Variants in NREP observed in about 807,000 individuals in gnomAD.
NREP encodes the protein neuronal regeneration related protein, also known as neuronal regeneration-related protein.
Under a neutral mutation model 8.6 loss-of-function variants are expected in NREP, and 5 were observed. That is an observed-to-expected ratio of 0.58 (90% CI 0.30 to 1.22). NREP has a LOEUF of 1.22. Among genes scored for constraint, NREP ranks in the 50% most tolerant of loss-of-function variants. NREP has a pLI of 0.07. For synonymous variants in NREP, 27 were observed against 28.0 expected, an observed-to-expected ratio of 0.96 and a Z score of 0.11; for missense variants, 86 against 82.5, an observed-to-expected ratio of 1.04 and a Z score of -0.17.
chr5:111,760,486 A>G (rs932094026), upstream of NREP, among the ~76,000 whole-genome samples: 13 of 152,216 alleles, frequency 8.5e-5, no homozygotes, highest in African/African-American at 3.1e-4. Context: ...GTGAAGGGGT[A>G]AAGAGACAGC....
At chr5:111,831,599 G>A (rs188874316) in intron 2 of NREP, among the ~76,000 whole-genome samples, 5 of 152,200 alleles carry the variant, frequency 3.3e-5, no homozygotes, top group South Asian at 2.1e-4. Flanking sequence ...TCCTCCCACC[G>A]GTTCACCCAC....
intron 2 of NREP, among the ~76,000 whole-genome samples, chr5:111,943,684 G>T (rs1581238982): frequency 6.6e-6 from 1 of 152,076 alleles, no homozygotes; most frequent in South Asian, 2.1e-4. Context: ...GTGGTAAACA[G>T]CAAAAGCATA....
At chr5:111,812,643 C>A (rs1752296488) in intron 2 of NREP, among the ~76,000 whole-genome samples, 1 of 152,130 alleles carries the variant, frequency 6.6e-6, no homozygotes, top group Non-Finnish European at 1.5e-5. Flanking sequence ...TAAAAAGTCA[C>A]ACCAATATTA....
chr5:111,907,424 AT>A (rs1754805641), intron 2 of NREP, among the ~76,000 whole-genome samples: 1 of 152,042 alleles, frequency 6.6e-6, no homozygotes, highest in Admixed American at 6.6e-5. Context: ...TTCCAGCAAC[AT>A]TTTTTGAAAA....
rs79394917 is a variant in NREP at position 111,963,286 on chromosome 5, C to T, written c.135+11988G>A. On this transcript the variant is annotated intron_variant, in intron 2 of 3. Coordinates refer to the NREP transcript ENST00000395634. Reference sequence around the variant, plus strand: ...GTACTCCCTCACACAAGAGGTTGAGCGTGGTGGGCCAAGTAAATGGGGCAC... The same window carrying T: ...GTACTCCCTCACACAAGAGGTTGAGTGTGGTGGGCCAAGTAAATGGGGCAC... 8.5e-3 allele frequency among the ~76,000 whole-genome samples: 1,291 copies of T among 152,302 alleles called. 21 individuals are homozygous for T. The highest frequency in any genetic ancestry group is 0.03 in the African/African-American group (1,231 of 41,572).
chr5:111,876,234 T>C (rs1341869236), intron 2 of NREP, among the ~76,000 whole-genome samples: 1 of 152,182 alleles, frequency 6.6e-6, no homozygotes, highest in Admixed American at 6.5e-5. Context: ...TCCAGCTCAA[T>C]TTTTCAGGCT....
At chr5:111,854,809 A>G (rs1753390053) in intron 2 of NREP, among the ~76,000 whole-genome samples, 1 of 152,196 alleles carries the variant, frequency 6.6e-6, no homozygotes, top group Non-Finnish European at 1.5e-5. Context: ...TTTCCCAGAA[A>G]TAACCACTGC....
chr5:111,801,892 C>T (rs891283576), intron 2 of NREP, among the ~76,000 whole-genome samples: 10 of 152,092 alleles, frequency 6.6e-5, no homozygotes, highest in Non-Finnish European at 1.2e-4. Context: ...GTATTTTTAT[C>T]GGCACATTTT....
chr5:111,801,850 T>G (rs1752016046), intron 2 of NREP, among the ~76,000 whole-genome samples: 2 of 152,126 alleles, frequency 1.3e-5, no homozygotes, highest in Admixed American at 6.5e-5. Flanking sequence ...GAAAGACAGA[T>G]CATGGGAAAG....
intron 2 of NREP, among the ~76,000 whole-genome samples, chr5:111,850,009 A>G (rs954665017): frequency 6.6e-6 from 1 of 152,166 alleles, no homozygotes; most frequent in Admixed American, 6.6e-5. Context: ...TGAACCATCT[A>G]ACACTGTCAT....
chr5:111,857,640 C>T (rs974615844), intron 2 of NREP, among the ~76,000 whole-genome samples: 5 of 152,062 alleles, frequency 3.3e-5, no homozygotes, highest in African/African-American at 4.8e-5. Context: ...CTTTGGGACA[C>T]AGAAATTCCT....
intron 2 of NREP, among the ~76,000 whole-genome samples, chr5:111,778,026 C>T (rs538533321): frequency 9.2e-5 from 14 of 152,162 alleles, no homozygotes; most frequent in Admixed American, 2.6e-4. Flanking sequence ...TTTGCCTGTA[C>T]GTAGAACAAG....
In NREP at chr5:111,730,082, T is replaced by G. The variant is rs947018909; in HGVS notation, c.*839A>C. 1 of 152,548 alleles carries G rather than the reference T, an allele frequency of 6.6e-6. No individual in the cohort carries two copies. Among genetic ancestry groups the G allele is most frequent in the African/African-American group, 2.4e-5 (1 of 41,400 alleles). 9.4% of individuals were successfully genotyped at this position (152,548 alleles called of 1,614,324 possible). ...GGCGAGGCTACGGAAAGGAAGAGAT[T>G]TGGTAAGTAAATTACAGTTTTGTGA... is the stretch of plus-strand genomic sequence containing the variant. On this transcript the variant is annotated 3_prime_UTR_variant, in exon 4 of 4. Coordinates refer to ENST00000257435, the MANE Select transcript of NREP (RefSeq NM_004772.4).
intron 2 of NREP, among the ~76,000 whole-genome samples, chr5:111,921,046 T>C (rs1198100772): frequency 1.3e-5 from 2 of 152,234 alleles, no homozygotes; most frequent in East Asian, 1.9e-4. Context: ...AGAAATGACC[T>C]CTTGGGCTGC....
chr5:111,883,908 A>G (rs1296314554), intron 2 of NREP, among the ~76,000 whole-genome samples: 2 of 152,170 alleles, frequency 1.3e-5, no homozygotes, highest in Non-Finnish European at 2.9e-5. Context: ...ATCACAATTA[A>G]AAGAACTAGA....
At chr5:111,974,015 T>C (rs932614355) in intron 2 of NREP, among the ~76,000 whole-genome samples, 2 of 151,844 alleles carry the variant, frequency 1.3e-5, no homozygotes, top group African/African-American at 4.8e-5. Context: ...ACATTTTCTC[T>C]GTGCTCTGAC....
chr5:111,878,962 G>C (rs879230088), intron 2 of NREP, among the ~76,000 whole-genome samples: 1 of 152,150 alleles, frequency 6.6e-6, no homozygotes, highest in Non-Finnish European at 1.5e-5. Flanking sequence ...TGGATGTTTT[G>C]TCCCCTCCAA....
intron 2 of NREP, among the ~76,000 whole-genome samples, chr5:111,808,336 C>T (rs529291192): frequency 1.2e-4 from 18 of 152,296 alleles, no homozygotes; most frequent in African/African-American, 4.3e-4. Flanking sequence ...GTATCTCCTG[C>T]TTCCAGCAGA....
intron 2 of NREP, among the ~76,000 whole-genome samples, chr5:111,811,896 A>G (rs910200396): frequency 6.6e-6 from 1 of 152,216 alleles, no homozygotes; most frequent in Admixed American, 6.5e-5. Flanking sequence ...AAAGGAAAAT[A>G]TAACTTAAAG....
Sources: gnomAD v4.1 joint callset for allele counts (sites outside exome capture counted in the v4.1 genomes callset) on GRCh38, gnomAD v4.1.1 for gene constraint, MANE v1.5 for transcripts, NCBI Gene and HGNC (gene_info 2026-07-23, HGNC 2026-07-21) for gene names.